HS6ST3: variants seen among roughly 807,000 people sequenced by gnomAD.
HS6ST3 encodes the protein heparan-sulfate 6-O-sulfotransferase 3.
In HS6ST3, 12 loss-of-function variants were observed where a neutral mutation model predicts 36.7. The observed-to-expected ratio is 0.33, with a 90% confidence interval of 0.21 to 0.53. The LOEUF is 0.53. Ranked by LOEUF, HS6ST3 falls within the 20% of genes least tolerant of loss-of-function variation. HS6ST3 has a pLI of 0.95. For missense variants in HS6ST3, 584 were observed against 640.9 expected (o/e 0.91, Z 0.96); for synonymous variants, 240 against 257.5 (o/e 0.93, Z 0.65).
At chr13:96,515,608 G>T (rs1324055756) in intron 1 of HS6ST3, among the ~76,000 whole-genome samples, 2 of 152,100 alleles carry the variant, frequency 1.3e-5, no homozygotes, top group Admixed American at 6.6e-5. Context: ...GTGTTGAATT[G>T]TAATCCCCAT....
chr13:96,093,214 A>G (rs1156363535), intron 1 of HS6ST3, among the ~76,000 whole-genome samples: 1 of 152,174 alleles, frequency 6.6e-6, no homozygotes, highest in African/African-American at 2.4e-5. Flanking sequence ...ATTACTCTTC[A>G]GTAGGGGCTG....
At position 96,091,545 on chromosome 13, in the gene HS6ST3, G is replaced by C; in HGVS notation, c.683G>C (p.Cys228Ser). The change falls in exon 1 of 2, where the codon TGT becomes TCT. Residue 228 changes from cysteine to serine, a missense_variant. Cys to Ser is a moderately radical substitution (Grantham distance 112, BLOSUM62 -1). Coordinates refer to ENST00000376705, the MANE Select transcript of HS6ST3 (RefSeq NM_153456.4). ...CVPAIMEKKDCPRNHSHTRNF... is the reference protein window; with the variant it reads ...CVPAIMEKKDSPRNHSHTRNF... ...CCGGCCATCATGGAGAAGAAGGACT[G>C]TCCCCGCAACCACAGCCACACCAGG... The C allele has an allele frequency of 6.3e-7, 1 of 1,584,462 alleles. No homozygotes were observed. The highest frequency in any genetic ancestry group is 8.5e-7 in the Non-Finnish European group (1 of 1,170,812).
chr13:96,495,381 T>A (rs1422339744), intron 1 of HS6ST3, among the ~76,000 whole-genome samples: 1 of 152,194 alleles, frequency 6.6e-6, no homozygotes, highest in African/African-American at 2.4e-5. Context: ...ACAAAAATTT[T>A]AAAATAGACT....
rs143143843 is a variant in HS6ST3, at chr13:96,679,838, G to A, written c.708-152652G>A. Among the ~76,000 whole-genome samples, 8 of 152,204 alleles carry A rather than the reference G, an allele frequency of 5.3e-5. No individual in the cohort carries two copies. In the East Asian group the frequency reaches 1.5e-3, roughly 29 times the overall value. ...CATTTAAGGATATGGTATGTGCTGG[G>A]GTCCAACAATGGGATCAAAAGGTCC... On this transcript the variant is annotated intron_variant, in intron 1 of 1. Coordinates refer to ENST00000376705, the MANE Select transcript of HS6ST3 (RefSeq NM_153456.4).
At chr13:96,641,950 T>G (rs180862474) in intron 1 of HS6ST3, among the ~76,000 whole-genome samples, 6 of 152,018 alleles carry the variant, frequency 3.9e-5, no homozygotes, top group Admixed American at 3.9e-4. Flanking sequence ...ATAATATCTT[T>G]TTTTAAATGT....
rs1878846387 is a variant in HS6ST3, at chr13:96,833,125, A to C, written c.1343A>C (p.Gln448Pro). 6.2e-7 allele frequency: 1 copy of C among 1,602,020 alleles called. No individual in the cohort carries two copies. The change falls in exon 2 of 2, where the codon CAG (glutamine) becomes CCG (proline). Residue 448 changes from glutamine to proline, a missense_variant. Around this residue, in one of 3 missense-constraint regions of HS6ST3, gnomAD observed 360 missense variants for 411.3 expected, o/e 0.88. Transcript: ENST00000376705. ...CTGCAGCGAGAGCACAGGGACCACCAGTGGCCCAAAGAAGATGGGGCTGCA... is the reference window on the plus strand; with the variant it reads ...CTGCAGCGAGAGCACAGGGACCACCCGTGGCCCAAAGAAGATGGGGCTGCA... Reference protein sequence around the residue: ...RRLQREHRDHQWPKEDGAAEG... With the variant: ...RRLQREHRDHPWPKEDGAAEG...
chr13:96,834,954 C>T lies in HS6ST3; in HGVS notation c.*1756C>T, dbSNP rs776196674. On this transcript the variant is annotated 3_prime_UTR_variant, in exon 2 of 2. Coordinates refer to ENST00000376705, the MANE Select transcript of HS6ST3 (RefSeq NM_153456.4). ...TGGCTCCCTTGCTCCAGGAACTGAA[C>T]GAGGCCCTTTTCATACCTTAAATAT... is the stretch of plus-strand genomic sequence containing the variant. The T allele has an allele frequency of 2.0e-5, 3 of 152,470 alleles. No homozygotes were observed. The highest frequency in any genetic ancestry group is 7.2e-5 in the African/African-American group (3 of 41,402). The allele number at this position is 152,470 out of a possible 1,614,324, so 9.4% of individuals were successfully genotyped here. A position where few individuals can be genotyped will look rare whatever the true frequency, so the allele number is the denominator to read the frequency against.
At chr13:96,573,607 A>T (rs2056309130) in intron 1 of HS6ST3, 1 of 213,474 alleles carries the variant, frequency 4.7e-6, no homozygotes, top group Admixed American at 6.3e-5. Flanking sequence ...AGAATTCTAG[A>T]ACTCGAGCAC....
At chr13:96,439,325 A>G (rs1267977591) in intron 1 of HS6ST3, among the ~76,000 whole-genome samples, 2 of 152,232 alleles carry the variant, frequency 1.3e-5, no homozygotes, top group Non-Finnish European at 2.9e-5. Context: ...ATAAAAATGT[A>G]AGATAGTAAT....
At chr13:96,333,136 A>G (rs1022382325) in intron 1 of HS6ST3, among the ~76,000 whole-genome samples, 1 of 152,258 alleles carries the variant, frequency 6.6e-6, no homozygotes, top group Non-Finnish European at 1.5e-5. Flanking sequence ...GGACCAAGAC[A>G]CATGGGTAAA....
intron 1 of HS6ST3, among the ~76,000 whole-genome samples, chr13:96,133,482 G>A (rs1239821369): frequency 6.6e-6 from 1 of 152,110 alleles, no homozygotes; most frequent in African/African-American, 2.4e-5. Flanking sequence ...GAGTGCAGTG[G>A]TGCAATCTTG....
At position 96,768,947 on chromosome 13, in the gene HS6ST3, C is replaced by T. The variant is rs150545706; in HGVS notation, c.708-63543C>T. ...TAGACCCCAGAATGTAGCAGGTTGA[C>T]AACAGGAAAGACCCGATCATTGTTC... On this transcript the variant is annotated intron_variant, in intron 1 of 1. Transcript: ENST00000376705. Among the ~76,000 whole-genome samples, 98 of 152,188 alleles carry T rather than the reference C, an allele frequency of 6.4e-4. 2 individuals are homozygous for T. The highest frequency in any genetic ancestry group is 2.2e-3 in the African/African-American group (93 of 41,536).
intron 1 of HS6ST3, among the ~76,000 whole-genome samples, chr13:96,224,918 G>A (rs2054473069): frequency 2.0e-5 from 3 of 152,154 alleles, no homozygotes; most frequent in East Asian, 1.9e-4. Context: ...AGACTTTTAT[G>A]TTTGTTTAAG....
At chr13:96,720,341 G>A (rs1566437884) in intron 1 of HS6ST3, among the ~76,000 whole-genome samples, 1 of 152,140 alleles carries the variant, frequency 6.6e-6, no homozygotes, top group East Asian at 1.9e-4. Flanking sequence ...GTACAGAAGG[G>A]AGAGACTAAA....
At chr13:96,203,707 A>G (rs1413095576) in intron 1 of HS6ST3, among the ~76,000 whole-genome samples, 7 of 152,158 alleles carry the variant, frequency 4.6e-5, no homozygotes, top group Admixed American at 1.3e-4. Context: ...CTTGGATGAA[A>G]CTTAGAGGGA....
At chr13:96,614,297 C>CAAAAAAAAAAAAAAA (rs67979751) in intron 1 of HS6ST3, among the ~76,000 whole-genome samples, 9 of 43,946 alleles carry the variant, frequency 2.0e-4, no homozygotes, top group African/African-American at 2.8e-4. Context: ...GGATCCATCT[C>CAAAAAAAAAAAAAAA]AAAAAAAAAA....
At chr13:96,535,725 A>G (rs1393578538) in intron 1 of HS6ST3, among the ~76,000 whole-genome samples, 2 of 152,188 alleles carry the variant, frequency 1.3e-5, no homozygotes, top group East Asian at 3.9e-4. Flanking sequence ...AACAGGTAGT[A>G]GATGAGGGAA....
chr13:96,752,581 A>G (rs903146063), intron 1 of HS6ST3, among the ~76,000 whole-genome samples: 53 of 152,146 alleles, frequency 3.5e-4, no homozygotes, highest in African/African-American at 1.2e-3. Flanking sequence ...ATGTGTTTTT[A>G]GAGCATTTTA....
chr13:96,684,785 C>G (rs1874724315), intron 1 of HS6ST3, among the ~76,000 whole-genome samples: 1 of 152,036 alleles, frequency 6.6e-6, no homozygotes, highest in Non-Finnish European at 1.5e-5. Context: ...ATGCACTTCA[C>G]AGTGGCATAT....
Sources: gnomAD v4.1 joint callset for allele counts (sites outside exome capture counted in the v4.1 genomes callset) on GRCh38, gnomAD v4.1.1 for gene constraint, gnomAD v4.1.1 regional missense constraint, MANE v1.5 for transcripts, NCBI Gene and HGNC (gene_info 2026-07-23, HGNC 2026-07-21) for gene names.